PCDHGB5: variants seen among roughly 807,000 people sequenced by gnomAD.
The protein encoded by PCDHGB5 is protocadherin gamma subfamily B, 5, also known as protocadherin gamma-B5.
A neutral mutation model predicts 62.9 loss-of-function variants in PCDHGB5; 48 were observed. The observed-to-expected ratio is 0.76, with a 90% CI of 0.61 to 0.97. The LOEUF is 0.97. Among genes scored for constraint, PCDHGB5 ranks in the 50% least tolerant of loss-of-function variants. The pLI, the probability that PCDHGB5 is intolerant of heterozygous loss-of-function variation, is 0.00. For synonymous variants in PCDHGB5, 474 were observed against 511.2 expected (o/e 0.93, Z 0.98); for missense variants, 1,118 against 1,198.6 (o/e 0.93, Z 0.99).
In PCDHGB5 at chr5:141,399,613, G is replaced by C. The variant is rs752648693; in HGVS notation, c.1486G>C (p.Ala496Pro). The change falls in exon 1 of 4, where the codon GCA becomes CCA. Residue 496 changes from alanine to proline, a missense_variant. Transcript: ENST00000617380. ...CATGGCCAGCGACCTAGAGCCTCTG[G>C]CACTGGCCTCTTACGTGTCCATGAG... ...SIMASDLEPLALASYVSMSAQ... is the reference protein window; with the variant it reads ...SIMASDLEPLPLASYVSMSAQ... The C allele has an allele frequency of 6.2e-7, 1 of 1,613,928 alleles. No individual in the cohort carries two copies. The highest frequency in any genetic ancestry group is 1.1e-5 in the South Asian group (1 of 91,086).
Position 141,491,964 on chromosome 5 carries a change from C to A in PCDHGB5, c.2398-2843C>A. On this transcript the variant is annotated intron_variant, in intron 1 of 3. Transcript: ENST00000617380. The surrounding 1 kb of genome is among the most constrained non-coding windows in gnomAD (Gnocchi z 6.9). ...CCCCACCCCTACACTCAAAAAAGGC[C>A]GGGGCCTCCTTCGAGCTTCCGGTGA... The A allele has an allele frequency of 1.1e-6, 1 of 943,952 alleles. No homozygotes were observed. The highest frequency in any genetic ancestry group is 1.5e-6 in the Non-Finnish European group (1 of 671,094). 58.5% of individuals were successfully genotyped at this position (943,952 alleles called of 1,614,324 possible). A position where few individuals can be genotyped will look rare whatever the true frequency, so the allele number is the denominator to read the frequency against.
chr5:141,439,115 C>A (rs2098087976), intron 1 of PCDHGB5, among the ~76,000 whole-genome samples: 1 of 151,476 alleles, frequency 6.6e-6, no homozygotes, highest in Non-Finnish European at 1.5e-5. Context: ...ATCACTTGAA[C>A]CCGGGAGACA....
chr5:141,490,549 C>T lies in PCDHGB5; in HGVS notation c.2398-4258C>T, dbSNP rs2099701539. ...TGCTGGTTCACCTTCCCTACACAAA[C>T]ATCTCACCATCAGGCTCAACATTTC... On this transcript the variant is annotated intron_variant, in intron 1 of 3. Transcript: ENST00000617380. The surrounding 1 kb of genome is among the most constrained non-coding windows in gnomAD (Gnocchi z 5.4). The T allele has an allele frequency of 1.9e-6, 3 of 1,614,178 alleles. No homozygotes were observed. The highest frequency in any genetic ancestry group is 1.7e-6 in the Non-Finnish European group (2 of 1,180,024).
At chr5:141,423,008 C>A in intron 1 of PCDHGB5, 13 of 1,614,214 alleles carry the variant, frequency 8.1e-6, no homozygotes, top group Non-Finnish European at 1.1e-5. Flanking sequence ...AAGGTGGTTG[C>A]GGTGGACAAA....
At chr5:141,404,771 C>A in intron 1 of PCDHGB5, 2 of 1,613,870 alleles carry the variant, frequency 1.2e-6, no homozygotes, top group African/African-American at 1.3e-5. Context: ...GCTCTCCTAC[C>A]GCCTATTCAA....
At chr5:141,425,624 G>T (rs1007643604) in intron 1 of PCDHGB5, among the ~76,000 whole-genome samples, 1 of 152,184 alleles carries the variant, frequency 6.6e-6, no homozygotes, top group African/African-American at 2.4e-5. Flanking sequence ...TGCTCCTCCA[G>T]TTTTCTCTGA....
rs539727453 is a variant in PCDHGB5 at position 141,487,510 on chromosome 5, C to G, written c.2398-7297C>G. ...GCTGTACACCCTTGGCTTCTGCACC[C>G]ACTCGGAGTGATAGCTTCATGATGG... On this transcript the variant is annotated intron_variant, in intron 1 of 3. Coordinates refer to ENST00000617380, the MANE Select transcript of PCDHGB5 (RefSeq NM_018925.3). This position sits in a 1 kb window ranked among gnomAD's most constrained non-coding sequence, Gnocchi z 5.0. The G allele has an allele frequency of 2.5e-6, 4 of 1,614,210 alleles. No homozygotes were observed. The highest frequency in any genetic ancestry group is 2.2e-5 in the East Asian group (1 of 44,860).
rs768767029 is a variant in PCDHGB5, at chr5:141,477,838, G to A, written c.2398-16969G>A. The A allele has an allele frequency of 6.2e-7, 1 of 1,612,892 alleles. No individual in the cohort carries two copies. The highest frequency in any genetic ancestry group is 1.1e-5 in the South Asian group (1 of 90,982). ...AGGTCCTATATCCTCGGCCAGGTGG[G>A]AGCTCGGTGGAGATGCTGCCTCGAG... On this transcript the variant is annotated intron_variant, in intron 1 of 3. Transcript: ENST00000617380. This position sits in a 1 kb window ranked among gnomAD's most constrained non-coding sequence, Gnocchi z 4.9.
intron 1 of PCDHGB5, chr5:141,419,610 C>G: frequency 1.9e-6 from 3 of 1,612,130 alleles, no homozygotes; most frequent in Middle Eastern, 1.8e-4. Flanking sequence ...GCCGCGCAGC[C>G]AGGCTACCTG....
chr5:141,470,721 AG>A (rs948288535), intron 1 of PCDHGB5, among the ~76,000 whole-genome samples: 2 of 152,098 alleles, frequency 1.3e-5, no homozygotes, highest in African/African-American at 4.8e-5. Flanking sequence ...TTTTTGAGTC[AG>A]GGTCTTGCTC....
At chr5:141,503,229 T>C (rs986982708) in intron 2 of PCDHGB5, among the ~76,000 whole-genome samples, 1 of 152,080 alleles carries the variant, frequency 6.6e-6, no homozygotes, top group African/African-American at 2.4e-5. Context: ...ACCGTAAAGA[T>C]GGACAGTTTC....
At chr5:141,465,186 G>T (rs2099098546) in intron 1 of PCDHGB5, among the ~76,000 whole-genome samples, 1 of 151,852 alleles carries the variant, frequency 6.6e-6, no homozygotes, top group African/African-American at 2.4e-5. Flanking sequence ...TTAATTAAAA[G>T]ATAAAAATAA....
At chr5:141,409,893 A>G in intron 1 of PCDHGB5, 2 of 1,613,138 alleles carry the variant, frequency 1.2e-6, no homozygotes, top group Middle Eastern at 3.3e-4. Flanking sequence ...CGGGTGCTGT[A>G]CCCAGCTCTG....
chr5:141,425,530 A>G (rs1485711838), intron 1 of PCDHGB5, among the ~76,000 whole-genome samples: 1 of 152,246 alleles, frequency 6.6e-6, no homozygotes, highest in Non-Finnish European at 1.5e-5. Flanking sequence ...ACATGAAACA[A>G]TAATCCTTTT....
chr5:141,401,017 T>C (rs2094103677), intron 1 of PCDHGB5, among the ~76,000 whole-genome samples: 3 of 152,226 alleles, frequency 2.0e-5, no homozygotes, highest in Admixed American at 2.0e-4. Context: ...AATGGATTTA[T>C]GATTTTTTGA....
intron 1 of PCDHGB5, chr5:141,404,458 C>A: frequency 6.2e-7 from 1 of 1,612,914 alleles, no homozygotes; most frequent in East Asian, 2.2e-5. Context: ...CTCCTCTCTC[C>A]ACCTATGTCT....
intron 1 of PCDHGB5, chr5:141,478,588 T>G (rs2099465964): frequency 6.3e-7 from 1 of 1,575,000 alleles, no homozygotes; most frequent in African/African-American, 1.4e-5. Flanking sequence ...TAGTGCTTTT[T>G]TATTCCTACA....
intron 1 of PCDHGB5, chr5:141,422,871 G>T (rs769543752): frequency 3.7e-6 from 6 of 1,614,098 alleles, no homozygotes; most frequent in Non-Finnish European, 5.1e-6. Context: ...GCAACGTGTC[G>T]CTGAGCCTGT....
intron 1 of PCDHGB5, chr5:141,418,513 G>T (rs377653202): frequency 1.1e-4 from 173 of 1,613,842 alleles, no homozygotes; most frequent in Non-Finnish European, 1.2e-4. Flanking sequence ...TAGATGGTGG[G>T]GACCCTCCCC....
Sources: gnomAD v4.1 joint callset for allele counts (sites outside exome capture counted in the v4.1 genomes callset) on GRCh38, gnomAD v4.1.1 for gene constraint, Gnocchi (gnomAD v3.1) non-coding constraint, MANE v1.5 for transcripts, NCBI Gene and HGNC (gene_info 2026-07-23, HGNC 2026-07-21) for gene names.